IL7: variants seen among roughly 807,000 people sequenced by gnomAD.
The protein encoded by IL7 is interleukin-7.
Under a neutral mutation model 21.6 loss-of-function variants are expected in IL7, and 3 were observed. The observed-to-expected ratio is 0.14, with a 90% confidence interval of 0.06 to 0.36. The LOEUF (loss-of-function observed/expected upper bound fraction) is 0.36. Among genes scored for constraint, IL7 ranks in the 10% least tolerant of loss-of-function variants. IL7 has a pLI of 1.00. For synonymous variants in IL7, 62 were observed against 68.1 expected (o/e 0.91, Z 0.44); for missense variants, 175 against 200.2 (o/e 0.87, Z 0.76).
intron 2 of IL7, among the ~76,000 whole-genome samples, chr8:78,745,369 C>G (rs921023784): frequency 3.9e-5 from 6 of 152,308 alleles, no homozygotes; most frequent in African/African-American, 1.4e-4. Flanking sequence ...CCCATCCTGT[C>G]TTTCATATGC....
chr8:78,798,937 G>A (rs1813959499), intron 1 of IL7, among the ~76,000 whole-genome samples: 1 of 152,004 alleles, frequency 6.6e-6, no homozygotes, highest in African/African-American at 2.4e-5. Flanking sequence ...AGAAACCAAT[G>A]ATTTCTATCT....
At chr8:78,771,200 A>G (rs1812937786) in intron 2 of IL7, among the ~76,000 whole-genome samples, 1 of 139,390 alleles carries the variant, frequency 7.2e-6, no homozygotes, top group Admixed American at 7.1e-5. Flanking sequence ...TTTTCATTGC[A>G]TATCATTCCT....
At chr8:78,798,932 C>T (rs1232057909) in intron 1 of IL7, among the ~76,000 whole-genome samples, 2 of 152,020 alleles carry the variant, frequency 1.3e-5, no homozygotes, top group African/African-American at 4.8e-5. Flanking sequence ...CAGATAGAAA[C>T]CAATGATTTC....
chr8:78,710,671 A>C (rs1810924227), intron 3 of IL7, among the ~76,000 whole-genome samples: 1 of 152,102 alleles, frequency 6.6e-6, no homozygotes, highest in Non-Finnish European at 1.5e-5. Flanking sequence ...TTTGATAATT[A>C]AGGATTAGAA....
chr8:78,748,763 T>G (rs1812066240), intron 2 of IL7, among the ~76,000 whole-genome samples: 1 of 152,154 alleles, frequency 6.6e-6, no homozygotes. Context: ...TGGATTGTTT[T>G]GAGGAAGTGG....
chr8:78,676,033 T>A (rs1438596836), exon 5 of IL7: 6 of 448,984 alleles, frequency 1.3e-5, no homozygotes, highest in African/African-American at 1.2e-4. Context: ...CCAGAATGCT[T>A]TCTTTCCTTC....
chr8:78,736,293 T>G (rs1811594381), intron 5 of IL7, among the ~76,000 whole-genome samples, 181 bp downstream of exon 5: 1 of 151,950 alleles, frequency 6.6e-6, no homozygotes, highest in South Asian at 2.1e-4. Flanking sequence ...AATAGTGGGT[T>G]TAAAAATGCA....
intron 3 of IL7, among the ~76,000 whole-genome samples, chr8:78,687,506 TTATA>T (rs568057552): frequency 2.8e-5 from 4 of 142,510 alleles, no homozygotes; most frequent in Non-Finnish European, 6.0e-5. Context: ...ATATAATAAA[TTATA>T]TATATTTATA....
intron 2 of IL7, among the ~76,000 whole-genome samples, chr8:78,758,362 T>G (rs1812425092): frequency 6.6e-6 from 1 of 152,154 alleles, no homozygotes. Context: ...CTTTTAATAT[T>G]TATCTTTACA....
intron 3 of IL7, chr8:78,689,229 T>A: frequency 1.3e-6 from 2 of 1,566,964 alleles, no homozygotes; most frequent in Non-Finnish European, 1.7e-6. Flanking sequence ...TAGATTATAT[T>A]CAATGTCCAT....
chr8:78,740,461 T>G (rs1211051613), intron 2 of IL7, among the ~76,000 whole-genome samples: 1 of 152,202 alleles, frequency 6.6e-6, no homozygotes, highest in East Asian at 1.9e-4. Flanking sequence ...TCAAATTTCC[T>G]GCCATCAACA....
downstream of IL7, among the ~76,000 whole-genome samples, chr8:78,716,609 C>T (rs181701404): frequency 2.0e-4 from 30 of 152,238 alleles, no homozygotes; most frequent in African/African-American, 7.0e-4. Context: ...TATCTTTCCT[C>T]ATGGTTGGGT....
intron 2 of IL7, among the ~76,000 whole-genome samples, chr8:78,755,570 T>C (rs1446740074): frequency 6.6e-6 from 1 of 151,966 alleles, no homozygotes; most frequent in Non-Finnish European, 1.5e-5. Context: ...TAGGTTTTTA[T>C]TTTTATTTTA....
intron 3 of IL7, among the ~76,000 whole-genome samples, chr8:78,688,711 T>C (rs1219986906): frequency 4.6e-5 from 7 of 152,176 alleles, no homozygotes; most frequent in Non-Finnish European, 1.0e-4. Context: ...TTTAATCACT[T>C]CTTCCATCTG....
At chr8:78,747,767 C>G (rs1812033143) in intron 2 of IL7, among the ~76,000 whole-genome samples, 1 of 152,138 alleles carries the variant, frequency 6.6e-6, no homozygotes, top group Non-Finnish European at 1.5e-5. Flanking sequence ...GTGGCTCCTT[C>G]CCTCAAGAAG....
intron 2 of IL7, among the ~76,000 whole-genome samples, chr8:78,793,357 A>G (rs899524641): frequency 6.6e-6 from 1 of 152,108 alleles, no homozygotes; most frequent in Non-Finnish European, 1.5e-5. Context: ...TACCTCAGAG[A>G]TACTGTGGGT....
intron 2 of IL7, among the ~76,000 whole-genome samples, chr8:78,789,032 A>G (rs894734483): frequency 6.6e-6 from 1 of 152,162 alleles, no homozygotes; most frequent in African/African-American, 2.4e-5. Flanking sequence ...TGAAATGAAT[A>G]TAGCTACTCC....
At chr8:78,752,751 C>A (rs953772728) in intron 2 of IL7, among the ~76,000 whole-genome samples, 1 of 152,118 alleles carries the variant, frequency 6.6e-6, no homozygotes, top group Admixed American at 6.6e-5. Flanking sequence ...CCTTGTCCCC[C>A]ACCCTGCGAC....
chr8:78,732,211 T>G (rs946296315), downstream of IL7, among the ~76,000 whole-genome samples: 1 of 152,074 alleles, frequency 6.6e-6, no homozygotes, highest in Non-Finnish European at 1.5e-5. Flanking sequence ...AATCAACTCA[T>G]CTTTCTGGAG....
Sources: allele counts gnomAD v4.1 joint callset (sites outside exome capture counted in the v4.1 genomes callset), GRCh38; gene constraint gnomAD v4.1.1; transcripts MANE v1.5; gene names NCBI Gene and HGNC (gene_info 2026-07-23, HGNC 2026-07-21).